The following CES2 variants were observed in gnomAD, a reference collection of about 807,000 sequenced individuals.
The protein encoded by CES2 is cocaine esterase.
CES2 carries 42 observed loss-of-function variants against 52.1 expected under a neutral mutation model. The ratio of observed to expected loss-of-function variants is 0.81; its 90% CI spans 0.63 to 1.04. The LOEUF (loss-of-function observed/expected upper bound fraction) is 1.04. CES2 is among the 50% of genes least tolerant of loss of function. The pLI is 0.00. For missense variants in CES2, 656 were observed against 724.3 expected (o/e 0.91, Z 1.08); for synonymous variants, 277 against 289.6 (o/e 0.96, Z 0.44).
Position 66,935,651 on chromosome 16 carries a change from C to T in CES2, c.16C>T (p.Leu6Phe), listed in dbSNP as rs1963187103. 1 of 1,605,030 alleles carries T rather than the reference C, an allele frequency of 6.2e-7. No homozygotes were observed. MRLHR[L>F]RARLSAVACG... is the part of the protein sequence containing the mutation. Reference sequence around the variant, plus strand: ...CGAGCCGACCATGCGGCTGCACAGACTTCGTGCGCGGCTGAGCGCGGTGGC... The same window carrying T: ...CGAGCCGACCATGCGGCTGCACAGATTTCGTGCGCGGCTGAGCGCGGTGGC... The change falls in exon 1 of 12, where the codon CTT (leucine) becomes TTT (phenylalanine). Residue 6 changes from leucine (L) to phenylalanine (F), a missense_variant. Transcript: ENST00000317091.
chr16:66,943,954 T>G lies in CES2; in HGVS notation c.1609T>G (p.Phe537Val). 6.2e-7 allele frequency: 1 copy of G among 1,606,486 alleles called. No homozygotes were observed. Among genetic ancestry groups the G allele is most frequent in the Non-Finnish European group, 8.5e-7 (1 of 1,174,634 alleles). Residue 537 changes from phenylalanine to valine, a missense_variant, in exon 12 of 12, where the codon TTC becomes GTC. Phe to Val is a conservative substitution (Grantham distance 50). Transcript: ENST00000317091. The surrounding 1 kb of genome is among the most constrained non-coding windows in gnomAD (Gnocchi z 4.2). ...GGCTCTGAAGGCCCACAGGCTCCAG[T>G]TCTGGAAGAAGGCGCTGCCCCAAAA... ...GRALKAHRLQFWKKALPQKIQ... is the reference protein window; with the variant it reads ...GRALKAHRLQVWKKALPQKIQ...
At chr16:66,942,081 C>A in intron 8 of CES2, 24 bp from the exon 9 acceptor site, 1 of 1,590,958 alleles carries the variant, frequency 6.3e-7, no homozygotes, top group Middle Eastern at 1.7e-4. Flanking sequence ...TCTAACCTGC[C>A]TCTTCCTGAT....
upstream of CES2, chr16:66,935,270 G>C: frequency 1.5e-6 from 1 of 653,834 alleles, no homozygotes; most frequent in South Asian, 2.3e-5. Flanking sequence ...CCCTCCTATC[G>C]ATCCCCCAGC....
chr16:66,942,475 A>G (rs1267797334), intron 9 of CES2, 173 bp from the exon 10 acceptor site: 3 of 817,404 alleles, frequency 3.7e-6, no homozygotes. Context: ...CTTGCCCAAG[A>G]TGACACAGCA....
chr16:66,940,666 A>G lies in CES2; in HGVS notation c.787A>G (p.Ile263Val), dbSNP rs1261411699. 1.2e-6 allele frequency: 2 copies of G among 1,614,144 alleles called. No individual in the cohort carries two copies. The highest frequency in any genetic ancestry group is 1.1e-5 in the South Asian group (1 of 91,084). ...ESGVALLPGLIASSADVISTV... is the reference protein window; with the variant it reads ...ESGVALLPGLVASSADVISTV... ...TGGCGTGGCCCTCCTGCCCGGCCTC[A>G]TTGCCAGCTCAGCTGATGTCATCTC... Residue 263 changes from isoleucine (I) to valine (V), a missense_variant, in exon 5 of 12, where the codon ATT becomes GTT. By Grantham distance (29) the Ile-to-Val change is conservative. Coordinates refer to ENST00000317091, the MANE Select transcript of CES2 (RefSeq NM_001365405.1).
At chr16:66,935,428 A>C, upstream of CES2, 1 of 1,569,658 alleles carries the variant, frequency 6.4e-7, no homozygotes, top group Non-Finnish European at 8.7e-7. Flanking sequence ...GCCTACCACT[A>C]GATCCCCACC....
chr16:66,936,074 G>T, intron 1 of CES2: 1 of 1,067,146 alleles, frequency 9.4e-7, no homozygotes, highest in East Asian at 5.3e-5. Flanking sequence ...CTGCCGGCCG[G>T]TAATAACAGT....
upstream of CES2, chr16:66,935,379 A>C: frequency 6.6e-7 from 1 of 1,509,578 alleles, no homozygotes; most frequent in Non-Finnish European, 8.9e-7. Context: ...GAGGATGCCA[A>C]AGGAGCCCGG....
At chr16:66,936,232 G>A (rs1445600236) in intron 1 of CES2, among the ~76,000 whole-genome samples, 2 of 152,152 alleles carry the variant, frequency 1.3e-5, no homozygotes, top group South Asian at 2.1e-4. Context: ...AGATCTAAGA[G>A]GCCACAGTGG....
intron 2 of CES2, 22 bp downstream of exon 2, chr16:66,938,263 G>C (rs372933978): frequency 2.0e-4 from 307 of 1,571,836 alleles, no homozygotes; most frequent in Non-Finnish European, 2.4e-4. Flanking sequence ...AAGGGGTCCA[G>C]GGAACTCCAG....
intron 6 of CES2, 137 bp from the exon 7 acceptor site, chr16:66,941,369 A>G: frequency 6.6e-7 from 1 of 1,514,536 alleles, no homozygotes; most frequent in South Asian, 1.3e-5. Flanking sequence ...AGGTCGGTGC[A>G]TGCTGAGCCA....
upstream of CES2, chr16:66,935,478 C>A (rs1963177507): frequency 6.2e-7 from 1 of 1,613,326 alleles, no homozygotes; most frequent in African/African-American, 1.3e-5. Flanking sequence ...ACCACACCCA[C>A]CTTTCCCGGC....
intron 9 of CES2, 91 bp downstream of exon 9, chr16:66,942,340 C>T (rs991833568): frequency 2.9e-6 from 4 of 1,363,398 alleles, no homozygotes; most frequent in Non-Finnish European, 3.0e-6. Flanking sequence ...GGTCAGCACT[C>T]ATGTTTATTG....
chr16:66,936,249 G>T (rs557528743), intron 1 of CES2, among the ~76,000 whole-genome samples: 39 of 152,306 alleles, frequency 2.6e-4, no homozygotes, highest in African/African-American at 9.4e-4. Flanking sequence ...GTGGCTGGGT[G>T]CGATTGGCTC....
At position 66,941,434 on chromosome 16, in the gene CES2, G is replaced by A. The variant is rs1281529777; in HGVS notation, c.916-72G>A. The A allele has an allele frequency of 3.9e-5, 62 of 1,576,330 alleles. No homozygotes were observed. In the Admixed American group the frequency reaches 1.0e-3, roughly 26 times the overall value. ...ATCCAGGGATAAACTGGGAAGGAGT[G>A]GAAGGTACTCAGAGGGCATCGGAAG... On this transcript the variant is annotated intron_variant, in intron 6 of 11. Coordinates refer to ENST00000317091, the MANE Select transcript of CES2 (RefSeq NM_001365405.1).
In CES2 at chr16:66,943,722, C is replaced by T. The variant is rs1963418301; in HGVS notation, c.1494-117C>T. On this transcript the variant is annotated intron_variant, in intron 11 of 11. Transcript: ENST00000317091. This position sits in a 1 kb window ranked among gnomAD's most constrained non-coding sequence, Gnocchi z 4.2. ...TTCTGGAAGCCTCCCCACTCATTCCCCAAGCCCACCTGGCCTGCTTGGCTG... is the reference window on the plus strand; with the variant it reads ...TTCTGGAAGCCTCCCCACTCATTCCTCAAGCCCACCTGGCCTGCTTGGCTG... 4.9e-6 allele frequency: 4 copies of T among 808,406 alleles called. No individual in the cohort carries two copies. The highest frequency in any genetic ancestry group is 7.9e-6 in the Non-Finnish European group (4 of 509,440). 50.1% of individuals were successfully genotyped at this position (808,406 alleles called of 1,614,324 possible). A position where few individuals can be genotyped will look rare whatever the true frequency, so the allele number is the denominator to read the frequency against.
At position 66,938,095 on chromosome 16, in the gene CES2, T is replaced by C. The variant is rs1304949041; in HGVS notation, c.135T>C (p.Leu45=). The C allele has an allele frequency of 6.2e-7, 1 of 1,614,002 alleles. No homozygotes were observed. Among genetic ancestry groups the C allele is most frequent in the African/African-American group, 1.3e-5 (1 of 74,892 alleles). ...TTHTGQVLGS[L]VHVKGANAGV... is the part of the protein sequence containing the mutation. Reference sequence around the variant, plus strand: ...ACACGGGGCAGGTGCTGGGGAGTCTTGTCCATGTGAAGGGCGCCAATGCCG... The same window carrying C: ...ACACGGGGCAGGTGCTGGGGAGTCTCGTCCATGTGAAGGGCGCCAATGCCG... Residue 45 remains leucine, a synonymous_variant, in exon 2 of 12, where the codon CTT becomes CTC. Coordinates refer to ENST00000317091, the MANE Select transcript of CES2 (RefSeq NM_001365405.1).
At chr16:66,935,061 G>C (rs1963166267), upstream of CES2, 1 of 199,056 alleles carries the variant, frequency 5.0e-6, no homozygotes, top group Non-Finnish European at 1.0e-5. Flanking sequence ...ATGAGGGGCC[G>C]TGAAGGGGAA....
At chr16:66,935,989 G>C in intron 1 of CES2, 1 of 1,379,182 alleles carries the variant, frequency 7.3e-7, no homozygotes, top group East Asian at 2.9e-5. Flanking sequence ...AGGCAGCCTG[G>C]GGTCGGAGTG....
Sources: gnomAD v4.1 joint callset for allele counts (sites outside exome capture counted in the v4.1 genomes callset) on GRCh38, gnomAD v4.1.1 for gene constraint, Gnocchi (gnomAD v3.1) non-coding constraint, MANE v1.5 for transcripts, NCBI Gene and HGNC (gene_info 2026-07-23, HGNC 2026-07-21) for gene names.